DGCR2: variants seen among roughly 807,000 people sequenced by gnomAD.
DGCR2 encodes DiGeorge syndrome critical region gene 2.
In DGCR2, 24 loss-of-function variants were observed where a neutral mutation model predicts 51.6. That is an observed-to-expected ratio of 0.47 (90% CI 0.34 to 0.65). DGCR2 has a LOEUF of 0.65. Ranked by LOEUF, DGCR2 falls within the 30% of genes least tolerant of loss-of-function variation. DGCR2 has a pLI of 0.01. For synonymous variants in DGCR2, 340 were observed against 315.4 expected, an observed-to-expected ratio of 1.08 and a Z score of -0.82; for missense variants, 765 against 772.1, an observed-to-expected ratio of 0.99 and a Z score of 0.11.
intron 1 of DGCR2, among the ~76,000 whole-genome samples, chr22:19,115,075 AGAG>A (rs992316702): frequency 3.3e-5 from 5 of 152,224 alleles, no homozygotes; most frequent in Non-Finnish European, 7.3e-5. Context: ...TACCGCAGGC[AGAG>A]GAGGAGGAGA....
chr22:19,102,943 C>T (rs1391182570), intron 1 of DGCR2, among the ~76,000 whole-genome samples: 2 of 152,098 alleles, frequency 1.3e-5, no homozygotes, highest in Admixed American at 6.5e-5. Context: ...GAGGTCAGGG[C>T]TGCAGTGAGT....
rs191262118 is a variant in DGCR2, at chr22:19,037,621, C to A, written c.*1244G>T. 6.6e-6 allele frequency: 1 copy of A among 152,338 alleles called. No homozygotes were observed. The highest frequency in any genetic ancestry group is 2.4e-5 in the African/African-American group (1 of 41,556). The allele number at this position is 152,338 out of a possible 1,614,324, so 9.4% of individuals were successfully genotyped here. ...ATACACACACAGAGACACAAACATA[C>A]AAAGGAAAGATCCAGACATTCAACG... On this transcript the variant is annotated 3_prime_UTR_variant, in exon 10 of 10. Coordinates refer to ENST00000263196, the MANE Select transcript of DGCR2 (RefSeq NM_005137.3).
chr22:19,067,998 G>A, intron 3 of DGCR2, 102 bp downstream of exon 3: 2 of 1,408,334 alleles, frequency 1.4e-6, no homozygotes, highest in Non-Finnish European at 1.9e-6. Flanking sequence ...TCCAAGGGCT[G>A]CTTTGAGAAA....
At chr22:19,078,440 CATTT>C (rs1290982661) in intron 2 of DGCR2, among the ~76,000 whole-genome samples, 3 of 152,132 alleles carry the variant, frequency 2.0e-5, no homozygotes, top group Admixed American at 1.3e-4. Flanking sequence ...TTGCTGAATT[CATTT>C]ATTAGTTCTA....
chr22:19,056,888 C>T, intron 6 of DGCR2, 98 bp downstream of exon 6: 1 of 1,364,500 alleles, frequency 7.3e-7, no homozygotes, highest in Non-Finnish European at 9.8e-7. Context: ...CGCAACACTG[C>T]AAATCAGGTT....
At chr22:19,101,802 C>G (rs2083205550) in intron 1 of DGCR2, among the ~76,000 whole-genome samples, 1 of 150,158 alleles carries the variant, frequency 6.7e-6, no homozygotes, top group Non-Finnish European at 1.5e-5. Context: ...CGTCAGTAAT[C>G]CTAGAACTTT....
intron 1 of DGCR2, among the ~76,000 whole-genome samples, chr22:19,093,013 G>A (rs1241766934): frequency 6.6e-6 from 1 of 151,732 alleles, no homozygotes; most frequent in East Asian, 1.9e-4. Flanking sequence ...AGGAGGAGGA[G>A]GAAGAAAGAG....
At chr22:19,078,336 A>T (rs1005872449) in intron 2 of DGCR2, among the ~76,000 whole-genome samples, 23 of 152,164 alleles carry the variant, frequency 1.5e-4, no homozygotes, top group African/African-American at 5.3e-4. Context: ...CTGTAAATGG[A>T]ATTATTTTCT....
chr22:19,112,312 C>T (rs981487866), intron 1 of DGCR2, among the ~76,000 whole-genome samples: 3 of 150,422 alleles, frequency 2.0e-5, no homozygotes, highest in Admixed American at 6.6e-5. Context: ...ATAATAAAAC[C>T]GTTCAAAATT....
chr22:19,067,868 C>T (rs1022226876), intron 3 of DGCR2, among the ~76,000 whole-genome samples: 2 of 152,206 alleles, frequency 1.3e-5, no homozygotes, highest in Non-Finnish European at 2.9e-5. Flanking sequence ...TTTGTGAGAA[C>T]AAGCAGCCTG....
At position 19,057,285 on chromosome 22, in the gene DGCR2, G is replaced by A. The variant is rs2082614564; in HGVS notation, c.626-123C>T. Reference sequence around the variant, plus strand: ...CACAGGGCCTGGACCGCCAAGTACTGGTGGTCACTGTGGCCAGGTGTTCAC... The same window carrying A: ...CACAGGGCCTGGACCGCCAAGTACTAGTGGTCACTGTGGCCAGGTGTTCAC... On this transcript the variant is annotated intron_variant, in intron 5 of 9. Coordinates refer to ENST00000263196, the MANE Select transcript of DGCR2 (RefSeq NM_005137.3). This position sits in a 1 kb window ranked among gnomAD's most constrained non-coding sequence, Gnocchi z 5.1. The A allele has an allele frequency of 5.4e-6, 6 of 1,105,752 alleles. No individual in the cohort carries two copies. Among genetic ancestry groups the A allele is most frequent in the Admixed American group, 5.9e-5 (2 of 33,776 alleles). 68.5% of individuals were successfully genotyped at this position (1,105,752 alleles called of 1,614,324 possible).
intron 2 of DGCR2, among the ~76,000 whole-genome samples, chr22:19,070,283 A>G (rs777163684): frequency 7.2e-5 from 11 of 152,198 alleles, no homozygotes; most frequent in Non-Finnish European, 1.6e-4. Context: ...GGAAGCTGAG[A>G]AAGAACAGAG....
At chr22:19,066,553 C>T (rs1421772197) in intron 3 of DGCR2, among the ~76,000 whole-genome samples, 3 of 152,224 alleles carry the variant, frequency 2.0e-5, no homozygotes, top group Non-Finnish European at 2.9e-5. Flanking sequence ...CCACATGCCC[C>T]GCAGGTGGCT....
intron 2 of DGCR2, among the ~76,000 whole-genome samples, chr22:19,075,425 C>CCA (rs1299597591): frequency 1.3e-5 from 2 of 151,398 alleles, no homozygotes; most frequent in Admixed American, 1.3e-4. Flanking sequence ...CCAGCCTGGG[C>CCA]CACAGAGCAA....
At chr22:19,073,757 A>T (rs1361949675) in intron 2 of DGCR2, among the ~76,000 whole-genome samples, 1 of 152,266 alleles carries the variant, frequency 6.6e-6, no homozygotes, top group Non-Finnish European at 1.5e-5. Flanking sequence ...TCAGACATGC[A>T]AACAAGGAAA....
At chr22:19,048,133 G>A (rs2082510296) in intron 7 of DGCR2, 2 of 446,766 alleles carry the variant, frequency 4.5e-6, no homozygotes, top group Non-Finnish European at 8.2e-6. Flanking sequence ...GCGTAAGTTT[G>A]AAGACAAGTT....
At chr22:19,052,183 G>A (rs769880589) in intron 6 of DGCR2, among the ~76,000 whole-genome samples, 7 of 152,150 alleles carry the variant, frequency 4.6e-5, no homozygotes, top group Non-Finnish European at 1.0e-4. Flanking sequence ...TTGGGAGGCC[G>A]ATGCAGGTGG....
Position 19,098,289 on chromosome 22 carries a change from C to CTTTT in DGCR2, c.80-8800_80-8799insAAAA, listed in dbSNP as rs1252208338. Among the ~76,000 whole-genome samples, 622 of 152,208 alleles carry CTTTT rather than the reference C, an allele frequency of 4.1e-3. 2 individuals are homozygous for CTTTT. The highest frequency in any genetic ancestry group is 0.014 in the African/African-American group (594 of 41,516). On this transcript the variant is annotated intron_variant, in intron 1 of 9. Transcript: ENST00000263196. The stretch of plus-strand genomic sequence containing the variant: ...GCCTTCTTGGCCTAGCCCTGTTTTC[C>CTTTT]TAAGCAGCCCTTCTCTGTTCTTTTC...
intron 9 of DGCR2, among the ~76,000 whole-genome samples, chr22:19,040,473 AACAGAG>A (rs553306153): frequency 8.1e-4 from 123 of 152,334 alleles, no homozygotes; most frequent in African/African-American, 2.7e-3. Context: ...TGCACTGCTC[AACAGAG>A]ACAGAGACAG....
Sources: allele counts gnomAD v4.1 joint callset (sites outside exome capture counted in the v4.1 genomes callset), GRCh38; gene constraint gnomAD v4.1.1; non-coding constraint Gnocchi (gnomAD v3.1); transcripts MANE v1.5; gene names NCBI Gene and HGNC (gene_info 2026-07-23, HGNC 2026-07-21).